Variants in CDH13 observed in about 807,000 individuals in gnomAD.
CDH13 encodes cadherin-13.
CDH13 carries 24 observed loss-of-function variants against 63.8 expected under a neutral mutation model. The ratio of observed to expected loss-of-function variants is 0.38; its 90% confidence interval spans 0.27 to 0.53. The LOEUF (loss-of-function observed/expected upper bound fraction) is 0.53. Ranked by LOEUF, CDH13 falls within the 20% of genes least tolerant of loss-of-function variation. CDH13 has a pLI of 0.85. For synonymous variants in CDH13, 503 were observed against 355.3 expected, an observed-to-expected ratio of 1.42 and a Z score of -4.67; for missense variants, 1,049 against 903.1, an observed-to-expected ratio of 1.16 and a Z score of -2.07.
intron 4 of CDH13, among the ~76,000 whole-genome samples, chr16:83,141,036 A>T: frequency 6.6e-6 from 1 of 152,212 alleles, no homozygotes; most frequent in East Asian, 1.9e-4. Flanking sequence ...TGAAGTATCC[A>T]CTATTTCCCT....
At chr16:83,206,955 C>G (rs1446767624) in intron 4 of CDH13, among the ~76,000 whole-genome samples, 1 of 152,248 alleles carries the variant, frequency 6.6e-6, no homozygotes, top group Non-Finnish European at 1.5e-5. Context: ...GATAAAATCA[C>G]CTGTACTCAG....
intron 3 of CDH13, among the ~76,000 whole-genome samples, chr16:83,072,508 T>C (rs68093017): frequency 0.072 from 10,911 of 152,240 alleles, 431 homozygotes; most frequent in African/African-American, 0.091. Context: ...TGCAACCAGC[T>C]GGGAAGAATT....
At chr16:83,445,381 G>A (rs1357547337) in intron 6 of CDH13, among the ~76,000 whole-genome samples, 1 of 147,876 alleles carries the variant, frequency 6.8e-6, no homozygotes, top group Non-Finnish European at 1.5e-5. Context: ...AGCTTCCTAA[G>A]TTTTCCCTAA....
At chr16:83,064,494 A>C (rs2031840718) in intron 3 of CDH13, among the ~76,000 whole-genome samples, 1 of 152,234 alleles carries the variant, frequency 6.6e-6, no homozygotes, top group Admixed American at 6.5e-5. Context: ...CATATTTAAA[A>C]AGTAAAAAGA....
chr16:82,755,677 A>C (rs2034586532), intron 1 of CDH13, among the ~76,000 whole-genome samples: 1 of 152,220 alleles, frequency 6.6e-6, no homozygotes, highest in South Asian at 2.1e-4. Context: ...TGATAATTAA[A>C]ACTGTTAAAA....
chr16:83,645,016 C>A (rs1375345936), intron 8 of CDH13, among the ~76,000 whole-genome samples: 2 of 152,194 alleles, frequency 1.3e-5, no homozygotes, highest in Non-Finnish European at 2.9e-5. Flanking sequence ...AACCCCATTC[C>A]TGAGTTTCCT....
At chr16:83,062,237 T>C (rs1297409868) in intron 3 of CDH13, among the ~76,000 whole-genome samples, 2 of 152,190 alleles carry the variant, frequency 1.3e-5, no homozygotes, top group African/African-American at 4.8e-5. Context: ...CTTACTTAAA[T>C]TGAGTACCCC....
chr16:83,551,235 C>T (rs1158201174), intron 7 of CDH13, among the ~76,000 whole-genome samples: 2 of 152,136 alleles, frequency 1.3e-5, no homozygotes, highest in Non-Finnish European at 2.9e-5. Flanking sequence ...GTGTACACCA[C>T]CACACCTGGC....
At chr16:83,399,106 C>T (rs1423486126) in intron 6 of CDH13, among the ~76,000 whole-genome samples, 3 of 152,156 alleles carry the variant, frequency 2.0e-5, no homozygotes, top group African/African-American at 7.2e-5. Context: ...TTTTTCATTG[C>T]CATGGCATGT....
chr16:83,043,583 G>C (rs949691712), intron 3 of CDH13, among the ~76,000 whole-genome samples: 1 of 149,746 alleles, frequency 6.7e-6, no homozygotes, highest in African/African-American at 2.5e-5. Context: ...TCAAGGCCAG[G>C]CACAATGGCT....
chr16:82,991,238 T>C (rs191908874), intron 2 of CDH13, among the ~76,000 whole-genome samples: 21 of 152,350 alleles, frequency 1.4e-4, no homozygotes, highest in African/African-American at 3.4e-4. Context: ...ACTGAAAAAT[T>C]GATCACACGC....
At chr16:83,395,320 A>C (rs1254617330) in intron 6 of CDH13, among the ~76,000 whole-genome samples, 1 of 151,806 alleles carries the variant, frequency 6.6e-6, no homozygotes, top group Non-Finnish European at 1.5e-5. Context: ...TCTCAAAAAA[A>C]AAAAAAGTCA....
intron 5 of CDH13, among the ~76,000 whole-genome samples, chr16:83,282,679 T>A (rs974828406): frequency 6.6e-6 from 1 of 152,178 alleles, no homozygotes; most frequent in Non-Finnish European, 1.5e-5. Context: ...AAATAGGAAA[T>A]GGAAGAAAGT....
At chr16:83,763,788 C>T (rs530229251) in intron 11 of CDH13, among the ~76,000 whole-genome samples, 2 of 152,158 alleles carry the variant, frequency 1.3e-5, no homozygotes, top group East Asian at 1.9e-4. Flanking sequence ...GTTGAAAATA[C>T]TACCTACAGT....
chr16:82,628,131 G>A (rs970444481), intron 1 of CDH13, among the ~76,000 whole-genome samples: 10 of 152,190 alleles, frequency 6.6e-5, no homozygotes, highest in African/African-American at 1.9e-4. Flanking sequence ...GCTGCGGGGG[G>A]CACGCCCTGC....
intron 7 of CDH13, among the ~76,000 whole-genome samples, chr16:83,599,443 C>A (rs753879771): frequency 1.3e-5 from 2 of 152,166 alleles, no homozygotes; most frequent in East Asian, 3.9e-4. Context: ...GAATAAAAAG[C>A]CTGAAAACAT....
intron 4 of CDH13, among the ~76,000 whole-genome samples, chr16:83,138,101 G>T (rs1424244461): frequency 6.6e-6 from 1 of 152,046 alleles, no homozygotes; most frequent in East Asian, 1.9e-4. Context: ...ATCTGTGAGT[G>T]TTGCATTAAA....
At chr16:82,640,392 T>A (rs375777841) in intron 1 of CDH13, among the ~76,000 whole-genome samples, 2 of 152,210 alleles carry the variant, frequency 1.3e-5, no homozygotes, top group South Asian at 4.1e-4. Flanking sequence ...GTTGGGAATT[T>A]ACGAATATGG....
At chr16:83,650,939 A>T (rs932880116) in intron 8 of CDH13, among the ~76,000 whole-genome samples, 9 of 150,890 alleles carry the variant, frequency 6.0e-5, no homozygotes, top group Non-Finnish European at 1.2e-4. Flanking sequence ...AATATATTTT[A>T]AAAATTTAAA....
Sources: gnomAD v4.1 joint callset for allele counts (sites outside exome capture counted in the v4.1 genomes callset) on GRCh38, gnomAD v4.1.1 for gene constraint, MANE v1.5 for transcripts, NCBI Gene and HGNC (gene_info 2026-07-23, HGNC 2026-07-21) for gene names.